PLVAP: variants seen among roughly 807,000 people sequenced by gnomAD.
PLVAP encodes the protein plasmalemma vesicle associated protein.
Under a neutral mutation model 43.1 loss-of-function variants are expected in PLVAP, and 34 were observed. That is an observed-to-expected ratio of 0.79 (90% confidence interval 0.60 to 1.05). The LOEUF (loss-of-function observed/expected upper bound fraction) is 1.05. PLVAP is among the 50% of genes least tolerant of loss of function. The probability of loss-of-function intolerance (pLI) is 0.00; values close to 1 mark genes in which losing one functional copy is unlikely to be tolerated. For missense variants in PLVAP, 574 were observed against 593.4 expected (o/e 0.97, Z 0.34); for synonymous variants, 241 against 237.3 (o/e 1.02, Z -0.14).
rs761158492 is a variant in PLVAP, at chr19:17,365,393, G to A, written c.1072C>T (p.Arg358Ter). 5.6e-6 allele frequency: 9 copies of A among 1,613,086 alleles called. No homozygotes were observed. Among genetic ancestry groups the A allele is most frequent in the South Asian group, 4.4e-5 (4 of 91,074 alleles). Reference sequence around the variant, plus strand: ...TCCAGCTCCTTGGCCAGGTTGTCTCGTTCCTTCCGCAGCACCGCCTTCTCC... The same window carrying A: ...TCCAGCTCCTTGGCCAGGTTGTCTCATTCCTTCCGCAGCACCGCCTTCTCC... ...LEEKAVLRKE[R>*]DNLAKELEEK... The change falls in exon 3 of 6, where the codon CGA (arginine) becomes TGA (stop). Residue 358 changes from arginine to a stop codon, truncating the protein, a stop_gained. Transcript: ENST00000252590. LOFTEE classifies it high-confidence loss of function.
rs751163716 is a variant in PLVAP at position 17,377,212 on chromosome 19, C to T, written c.77G>A (p.Arg26His). 8 of 1,614,000 alleles carry T rather than the reference C, an allele frequency of 5.0e-6. No individual in the cohort carries two copies. In the African/African-American group the frequency reaches 6.7e-5, roughly 13 times the overall value. The change falls in exon 1 of 6, where the codon CGC (arginine) becomes CAC (histidine). Residue 26 changes from arginine to histidine, a missense_variant. Transcript: ENST00000252590. ...GSSRGCWYYLRYFFLFVSLIQ... is the reference protein window; with the variant it reads ...GSSRGCWYYLHYFFLFVSLIQ... The stretch of plus-strand genomic sequence containing the variant: ...GAGGGAGACGAAGAGGAAGAAGTAG[C>T]GCAGGTAATACCAGCAGCCCCGAGA...
chr19:17,372,715 C>T (rs1174400598), intron 1 of PLVAP, among the ~76,000 whole-genome samples: 3 of 150,644 alleles, frequency 2.0e-5, no homozygotes, highest in African/African-American at 4.8e-5. Flanking sequence ...CTCGGCCTCC[C>T]GAAGTGTTGG....
intron 5 of PLVAP, 79 bp from the exon 6 acceptor site, chr19:17,352,447 G>A: frequency 4.0e-6 from 6 of 1,499,942 alleles, no homozygotes; most frequent in South Asian, 2.3e-5. Flanking sequence ...CTGGAGGCTC[G>A]TCCTCAGCGG....
chr19:17,362,983 C>T (rs1037960015), intron 3 of PLVAP, among the ~76,000 whole-genome samples: 3 of 152,122 alleles, frequency 2.0e-5, no homozygotes, highest in Non-Finnish European at 4.4e-5. Flanking sequence ...GATTTTAACT[C>T]CGACCCTAAC....
At chr19:17,357,483 C>CAT in intron 5 of PLVAP, among the ~76,000 whole-genome samples, 1 of 151,826 alleles carries the variant, frequency 6.6e-6, no homozygotes, top group African/African-American at 2.4e-5. Flanking sequence ...GGCAACATAG[C>CAT]AAGACCCCTG....
intron 3 of PLVAP, among the ~76,000 whole-genome samples, chr19:17,361,447 C>CAGGGTGA (rs749754144): frequency 7.5e-4 from 114 of 152,108 alleles, no homozygotes; most frequent in Non-Finnish European, 1.5e-3. Flanking sequence ...ATCACAGCCT[C>CAGGGTGA]AGGGTGAATC....
intron 1 of PLVAP, among the ~76,000 whole-genome samples, chr19:17,375,599 G>T (rs1311168590): frequency 6.6e-6 from 1 of 151,600 alleles, no homozygotes; most frequent in Non-Finnish European, 1.5e-5. Context: ...CAGGGCACCA[G>T]GTCAGGGCAC....
chr19:17,366,331 T>G, intron 1 of PLVAP, 136 bp from the exon 2 acceptor site: 1 of 751,542 alleles, frequency 1.3e-6, no homozygotes, highest in South Asian at 1.8e-5. Flanking sequence ...TGAGGGAATG[T>G]TAGAAGCCAG....
intron 2 of PLVAP, 22 bp from the exon 3 acceptor site, chr19:17,366,020 G>C (rs1568375629): frequency 6.2e-7 from 1 of 1,611,622 alleles, no homozygotes; most frequent in Non-Finnish European, 8.5e-7. Context: ...AGGACCAGGA[G>C]ACCCAGGAAG....
At chr19:17,376,495 AG>A in intron 1 of PLVAP, among the ~76,000 whole-genome samples, 1 of 151,856 alleles carries the variant, frequency 6.6e-6, no homozygotes, top group East Asian at 1.9e-4. Context: ...CTGTCTCTTA[AG>A]GAAAAAAAAA....
chr19:17,365,635 C>T lies in PLVAP; in HGVS notation c.830G>A (p.Ser277Asn), dbSNP rs201285895. 7 of 1,613,614 alleles carry T rather than the reference C, an allele frequency of 4.3e-6. No individual in the cohort carries two copies. In the East Asian group the frequency reaches 1.6e-4, roughly 36 times the overall value. The change falls in exon 3 of 6, where the codon AGC becomes AAC. Residue 277 changes from serine to asparagine, a missense_variant. Ser to Asn is a conservative substitution (Grantham distance 46). Transcript: ENST00000252590. ...SIRRACDHMP[S>N]LMSSKVEELA... ...CTCCTCCACCTTGGAGCTCATGAGGCTGGGCATGTGGTCGCAGGCTCTGCG... is the reference window on the plus strand; with the variant it reads ...CTCCTCCACCTTGGAGCTCATGAGGTTGGGCATGTGGTCGCAGGCTCTGCG...
intron 1 of PLVAP, among the ~76,000 whole-genome samples, chr19:17,371,028 C>G (rs1386288773): frequency 2.0e-5 from 3 of 150,830 alleles, no homozygotes; most frequent in African/African-American, 7.3e-5. Context: ...TGCACTCCAG[C>G]CTGGGCGACA....
At chr19:17,371,150 T>A (rs2074570583) in intron 1 of PLVAP, among the ~76,000 whole-genome samples, 1 of 151,896 alleles carries the variant, frequency 6.6e-6, no homozygotes, top group Admixed American at 6.6e-5. Flanking sequence ...AAGCTGTTTT[T>A]AAAAATTATT....
At chr19:17,372,375 A>C (rs565875836) in intron 1 of PLVAP, among the ~76,000 whole-genome samples, 169 of 150,564 alleles carry the variant, frequency 1.1e-3, no homozygotes, top group African/African-American at 3.8e-3. Context: ...CGCCACTGCA[A>C]TCCAGCCTGG....
At chr19:17,356,857 G>A (rs1236686762) in intron 5 of PLVAP, among the ~76,000 whole-genome samples, 1 of 152,070 alleles carries the variant, frequency 6.6e-6, no homozygotes, top group Non-Finnish European at 1.5e-5. Flanking sequence ...TGCTTGGGAG[G>A]CTGAGGCAGG....
At chr19:17,364,353 A>G (rs1162454830) in intron 3 of PLVAP, among the ~76,000 whole-genome samples, 1 of 151,414 alleles carries the variant, frequency 6.6e-6, no homozygotes, top group African/African-American at 2.4e-5. Context: ...CCAAAGTGCT[A>G]GGATTACAGG....
At chr19:17,360,692 G>C in intron 4 of PLVAP, 80 bp downstream of exon 4, 4 of 1,578,014 alleles carry the variant, frequency 2.5e-6, no homozygotes, top group Non-Finnish European at 3.5e-6. Context: ...CAGCCCAGGG[G>C]AGTGGGAAAG....
At chr19:17,356,544 GC>G (rs1446116082) in intron 5 of PLVAP, among the ~76,000 whole-genome samples, 1 of 151,996 alleles carries the variant, frequency 6.6e-6, no homozygotes, top group African/African-American at 2.4e-5. Context: ...TTGCTATGTT[GC>G]CCAGGCTGGA....
At chr19:17,355,654 C>T (rs2074504118) in intron 5 of PLVAP, among the ~76,000 whole-genome samples, 1 of 151,928 alleles carries the variant, frequency 6.6e-6, no homozygotes, top group African/African-American at 2.4e-5. Flanking sequence ...CCTGCCTTAG[C>T]CTCCCGAGTA....
Sources: gnomAD v4.1 joint callset for allele counts (sites outside exome capture counted in the v4.1 genomes callset) on GRCh38, gnomAD v4.1.1 for gene constraint, MANE v1.5 for transcripts, NCBI Gene and HGNC (gene_info 2026-07-23, HGNC 2026-07-21) for gene names.